The following CNTNAP5 variants were observed in gnomAD, a reference collection of about 807,000 sequenced individuals.
CNTNAP5 encodes the protein contactin associated protein family member 5.
CNTNAP5 carries 72 observed loss-of-function variants against 150.2 expected under a neutral mutation model. The observed-to-expected ratio is 0.48, with a 90% CI of 0.40 to 0.58. The LOEUF is 0.58. Ranked by LOEUF, CNTNAP5 falls within the 20% of genes least tolerant of loss-of-function variation. The pLI is 0.00. For synonymous variants in CNTNAP5, 672 were observed against 619.8 expected (o/e 1.08, Z -1.25); for missense variants, 1,636 against 1,626.2 (o/e 1.01, Z -0.10).
intron 3 of CNTNAP5, among the ~76,000 whole-genome samples, chr2:124,339,500 G>A (rs1689556659): frequency 6.6e-6 from 1 of 152,092 alleles, no homozygotes. Context: ...GGCCTTGTAA[G>A]GGCAAAGGGA....
At chr2:124,758,852 G>C (rs1680896937) in intron 14 of CNTNAP5, among the ~76,000 whole-genome samples, 1 of 152,092 alleles carries the variant, frequency 6.6e-6, no homozygotes, top group African/African-American at 2.4e-5. Context: ...ACTAGCCATG[G>C]ACAAGGGGAG....
intron 18 of CNTNAP5, among the ~76,000 whole-genome samples, chr2:124,797,746 G>A (rs1208184356): frequency 1.3e-5 from 2 of 152,186 alleles, no homozygotes; most frequent in Admixed American, 6.5e-5. Flanking sequence ...TATGCTGGAG[G>A]CAGAGACATG....
intron 13 of CNTNAP5, among the ~76,000 whole-genome samples, chr2:124,653,201 G>A (rs1394945468): frequency 6.6e-6 from 1 of 152,016 alleles, no homozygotes; most frequent in Non-Finnish European, 1.5e-5. Context: ...GCAGTCAATT[G>A]CTTTACCTAG....
intron 10 of CNTNAP5, among the ~76,000 whole-genome samples, chr2:124,537,247 C>G (rs190685121): frequency 6.6e-6 from 1 of 152,266 alleles, no homozygotes; most frequent in East Asian, 1.9e-4. Flanking sequence ...TGTCCTGGCA[C>G]TGTGGTACTT....
intron 7 of CNTNAP5, among the ~76,000 whole-genome samples, chr2:124,497,912 G>C (rs982524188): frequency 6.6e-6 from 1 of 152,128 alleles, no homozygotes; most frequent in Admixed American, 6.6e-5. Flanking sequence ...AAATTCATTC[G>C]ATTGGTTCTG....
intron 11 of CNTNAP5, among the ~76,000 whole-genome samples, chr2:124,585,669 CTTTTTT>C (rs33978614): frequency 6.0e-5 from 4 of 66,406 alleles, no homozygotes; most frequent in African/African-American, 2.4e-4. Context: ...GAGCTTGAAG[CTTTTTT>C]TTTTTTTTTT....
intron 23 of CNTNAP5, among the ~76,000 whole-genome samples, chr2:124,912,156 T>G (rs894777057): frequency 7.9e-5 from 12 of 152,080 alleles, no homozygotes; most frequent in Non-Finnish European, 1.8e-4. Flanking sequence ...TGGCTTGATT[T>G]TTCCATCTGG....
intron 5 of CNTNAP5, among the ~76,000 whole-genome samples, chr2:124,444,870 A>G (rs764811402): frequency 3.3e-5 from 5 of 152,076 alleles, no homozygotes; most frequent in Non-Finnish European, 7.4e-5. Flanking sequence ...TCCCTGCTGC[A>G]TAAGGAGGGT....
chr2:124,026,629 T>G (rs1399136710), intron 1 of CNTNAP5, among the ~76,000 whole-genome samples: 1 of 152,224 alleles, frequency 6.6e-6, no homozygotes, highest in African/African-American at 2.4e-5. Flanking sequence ...TGGGACTTCC[T>G]AAATGAGAAA....
intron 1 of CNTNAP5, among the ~76,000 whole-genome samples, chr2:124,125,470 G>T (rs987551057): frequency 6.6e-6 from 1 of 152,038 alleles, no homozygotes; most frequent in African/African-American, 2.4e-5. Context: ...AATGGGAGAC[G>T]TTAACAGCCC....
chr2:124,522,076 G>T (rs932277866), intron 8 of CNTNAP5, among the ~76,000 whole-genome samples: 5 of 152,198 alleles, frequency 3.3e-5, no homozygotes, highest in Non-Finnish European at 5.9e-5. Flanking sequence ...GCTCTGAGCA[G>T]ATGGGTCACA....
intron 21 of CNTNAP5, among the ~76,000 whole-genome samples, chr2:124,888,220 T>C (rs1272722327): frequency 1.3e-5 from 2 of 152,180 alleles, no homozygotes; most frequent in African/African-American, 2.4e-5. Flanking sequence ...GTTCCTGTGT[T>C]AATTCATTCA....
intron 17 of CNTNAP5, among the ~76,000 whole-genome samples, chr2:124,777,398 A>G (rs1681347563): frequency 6.6e-6 from 1 of 152,196 alleles, no homozygotes; most frequent in Non-Finnish European, 1.5e-5. Flanking sequence ...TTTTTGAAAC[A>G]GAGTCTCTCT....
At chr2:124,205,830 C>T (rs150286199) in intron 1 of CNTNAP5, among the ~76,000 whole-genome samples, 6 of 152,120 alleles carry the variant, frequency 3.9e-5, no homozygotes, top group Non-Finnish European at 7.4e-5. Context: ...TCTCAGCCTG[C>T]GTGTTTTGGT....
intron 1 of CNTNAP5, among the ~76,000 whole-genome samples, chr2:124,153,229 A>G (rs1311453249): frequency 6.6e-6 from 1 of 152,248 alleles, no homozygotes; most frequent in African/African-American, 2.4e-5. Context: ...AAAGAATTAG[A>G]AAGCAAACAT....
rs1237893598 is a variant in CNTNAP5, at chr2:124,506,180, A to C, written c.1327+1624A>C. The stretch of plus-strand genomic sequence containing the variant: ...GCTCTGATTAGCTGCAGTTAGAAGC[A>C]GACTTTTAAAGAAAAAAAAAAAAAA... On this transcript the variant is annotated intron_variant, in intron 8 of 23. Transcript: ENST00000682447. Among the ~76,000 whole-genome samples the C allele has an allele frequency of 5.2e-5, 7 of 135,288 alleles. No individual in the cohort carries two copies. The East Asian group carries it at 1.6e-3, about 30-fold the overall frequency. 88.8% of individuals were successfully genotyped at this position (135,288 alleles called of 152,430 possible).
At chr2:124,628,031 GAACA>G (rs973472102) in intron 12 of CNTNAP5, among the ~76,000 whole-genome samples, 2 of 152,110 alleles carry the variant, frequency 1.3e-5, no homozygotes, top group African/African-American at 4.8e-5. Flanking sequence ...AAATGAAAAG[GAACA>G]AACAAAGCCT....
At chr2:124,592,033 G>GT (rs1696696051) in intron 11 of CNTNAP5, among the ~76,000 whole-genome samples, 1 of 152,124 alleles carries the variant, frequency 6.6e-6, no homozygotes, top group African/African-American at 2.4e-5. Flanking sequence ...AGCTCAGCTT[G>GT]TAGTGTTACG....
chr2:124,409,792 A>G (rs546440126), intron 3 of CNTNAP5, among the ~76,000 whole-genome samples: 2 of 152,222 alleles, frequency 1.3e-5, no homozygotes, highest in East Asian at 3.9e-4. Context: ...TGTAAAGACC[A>G]TCAAGACTAG....
Sources: allele counts gnomAD v4.1 joint callset (sites outside exome capture counted in the v4.1 genomes callset), GRCh38; gene constraint gnomAD v4.1.1; transcripts MANE v1.5; gene names NCBI Gene and HGNC (gene_info 2026-07-23, HGNC 2026-07-21).